The following LRRFIP2 variants were observed in gnomAD, a reference collection of about 807,000 sequenced individuals.
LRRFIP2 encodes the protein LRR binding FLII interacting protein 2.
A neutral mutation model predicts 125.9 loss-of-function variants in LRRFIP2; 109 were observed. The observed-to-expected ratio is 0.87, with a 90% confidence interval of 0.74 to 1.01. The LOEUF (loss-of-function observed/expected upper bound fraction) is 1.01. Among genes scored for constraint, LRRFIP2 ranks in the 50% least tolerant of loss-of-function variants. The probability of loss-of-function intolerance (pLI) is 0.00; values close to 1 mark genes in which losing one functional copy is unlikely to be tolerated. For missense variants in LRRFIP2, 850 were observed against 862.3 expected, an observed-to-expected ratio of 0.99 and a Z score of 0.18; for synonymous variants, 291 against 293.1, an observed-to-expected ratio of 0.99 and a Z score of 0.07.
chr3:37,161,157 A>C (rs530223224), intron 1 of LRRFIP2, among the ~76,000 whole-genome samples: 144 of 143,042 alleles, frequency 1.0e-3, no homozygotes, highest in African/African-American at 3.4e-3. Flanking sequence ...CAGCCTGGTC[A>C]ACATGGTGAA....
intron 2 of LRRFIP2, among the ~76,000 whole-genome samples, chr3:37,145,166 G>A (rs1225758558): frequency 6.6e-6 from 1 of 152,086 alleles, no homozygotes; most frequent in Non-Finnish European, 1.5e-5. Flanking sequence ...GGTAGTTGAG[G>A]ACAAATATTT....
At chr3:37,132,163 C>A (rs2095443900) in intron 2 of LRRFIP2, among the ~76,000 whole-genome samples, 1 of 151,792 alleles carries the variant, frequency 6.6e-6, no homozygotes, top group Non-Finnish European at 1.5e-5. Context: ...GGAAACACTT[C>A]AAGGCTTTTA....
At chr3:37,106,721 C>T (rs1293920101) in intron 13 of LRRFIP2, among the ~76,000 whole-genome samples, 3 of 151,860 alleles carry the variant, frequency 2.0e-5, no homozygotes, top group Non-Finnish European at 4.4e-5. Context: ...GGTGGGTGGA[C>T]CACCTGAGGT....
intron 2 of LRRFIP2, among the ~76,000 whole-genome samples, chr3:37,131,357 T>A (rs938090745): frequency 6.6e-6 from 1 of 152,152 alleles, no homozygotes; most frequent in Non-Finnish European, 1.5e-5. Context: ...TATACCCATG[T>A]CTCTATTGCG....
intron 21 of LRRFIP2, chr3:37,068,356 G>C (rs924248140): frequency 2.0e-5 from 3 of 152,168 alleles, no homozygotes; most frequent in African/African-American, 7.2e-5. Flanking sequence ...TTTGAAACTA[G>C]GAATTCTAGC....
intron 2 of LRRFIP2, among the ~76,000 whole-genome samples, chr3:37,145,326 T>C (rs2095829623): frequency 6.6e-6 from 1 of 152,214 alleles, no homozygotes; most frequent in Non-Finnish European, 1.5e-5. Context: ...GAGGACTTTA[T>C]ACAACCCAAT....
chr3:37,111,597 T>C (rs1014347080), intron 8 of LRRFIP2, among the ~76,000 whole-genome samples: 2 of 152,204 alleles, frequency 1.3e-5, no homozygotes, highest in African/African-American at 4.8e-5. Context: ...TTATAGCTAA[T>C]TGAGGGAGAG....
At chr3:37,056,125 A>C (rs1243840134) in intron 25 of LRRFIP2, among the ~76,000 whole-genome samples, 1 of 152,224 alleles carries the variant, frequency 6.6e-6, no homozygotes, top group Non-Finnish European at 1.5e-5. Flanking sequence ...TGTATGCCTA[A>C]ATAAATATAT....
intron 6 of LRRFIP2, 112 bp downstream of exon 6, chr3:37,121,380 T>A: frequency 1.0e-6 from 1 of 990,292 alleles, no homozygotes; most frequent in African/African-American, 1.7e-5. Context: ...TATTTTATAC[T>A]TCTTTTAAAA....
At chr3:37,127,070 T>A (rs1265625399) in intron 4 of LRRFIP2, among the ~76,000 whole-genome samples, 1 of 152,114 alleles carries the variant, frequency 6.6e-6, no homozygotes, top group African/African-American at 2.4e-5. Context: ...ATATACCAAG[T>A]TAAGAAGCCC....
intron 4 of LRRFIP2, among the ~76,000 whole-genome samples, chr3:37,122,669 T>C (rs2095104640): frequency 6.6e-6 from 1 of 152,168 alleles, no homozygotes; most frequent in Non-Finnish European, 1.5e-5. Flanking sequence ...GTTGTTAATA[T>C]GAAAAACTAC....
intron 12 of LRRFIP2, 83 bp downstream of exon 12, chr3:37,108,554 T>C: frequency 8.8e-7 from 1 of 1,141,880 alleles, no homozygotes; most frequent in Non-Finnish European, 1.3e-6. Flanking sequence ...TCTTTTTTAT[T>C]AATTTTTGAC....
Position 37,053,706 on chromosome 3 carries a change from T to C in LRRFIP2, c.*145A>G. The C allele has an allele frequency of 3.3e-6, 2 of 609,062 alleles. No homozygotes were observed. The highest frequency in any genetic ancestry group is 2.1e-5 in the South Asian group (1 of 48,666). 37.7% of individuals were successfully genotyped at this position (609,062 alleles called of 1,614,324 possible). On this transcript the variant is annotated 3_prime_UTR_variant, in exon 28 of 28. Coordinates refer to ENST00000336686, the MANE Select transcript of LRRFIP2 (RefSeq NM_006309.4). The stretch of plus-strand genomic sequence containing the variant: ...TCATGTAGATTCAAAATGACTTCAT[T>C]CTGTCATAAATTATAAAATACAAAG...
chr3:37,115,243 A>T (rs2094725703), intron 6 of LRRFIP2, 148 bp from the exon 7 acceptor site: 2 of 573,516 alleles, frequency 3.5e-6, no homozygotes, highest in Admixed American at 5.9e-5. Context: ...CAGTTGAATT[A>T]AAAAATATTC....
chr3:37,071,331 C>A (rs2091148544), intron 21 of LRRFIP2, among the ~76,000 whole-genome samples: 1 of 152,224 alleles, frequency 6.6e-6, no homozygotes, highest in African/African-American at 2.4e-5. Flanking sequence ...GATCCTCCCA[C>A]CTCAGCCTCC....
At chr3:37,123,200 GTTT>G (rs891531267) in intron 4 of LRRFIP2, among the ~76,000 whole-genome samples, 5 of 151,800 alleles carry the variant, frequency 3.3e-5, no homozygotes, top group Non-Finnish European at 4.4e-5. Context: ...TGTTGTTGTT[GTTT>G]TTTGAGACGG....
rs1042594616 is a variant in LRRFIP2 at position 37,058,979 on chromosome 3, T to C, written c.1750-69A>G. On this transcript the variant is annotated intron_variant, in intron 24 of 27. Transcript: ENST00000336686. ...AATGAAGCCGATGCTTATTCTATGG[T>C]CACATCATAGAACAAAGCAGACCCT... 8.8e-6 allele frequency: 14 copies of C among 1,593,552 alleles called. No individual in the cohort carries two copies. The African/African-American group carries it at 1.5e-4, about 17-fold the overall frequency.
intron 11 of LRRFIP2, 111 bp downstream of exon 11, chr3:37,109,416 C>G (rs1266023522): frequency 8.3e-7 from 1 of 1,206,304 alleles, no homozygotes. Flanking sequence ...ATACATGACA[C>G]TAAAATCATG....
chr3:37,175,663 C>T (rs2096650059), upstream of LRRFIP2, among the ~76,000 whole-genome samples: 1 of 152,198 alleles, frequency 6.6e-6, no homozygotes. Context: ...AAAAATGCTA[C>T]GCCCTACACC....
Sources: gnomAD v4.1 joint callset for allele counts (sites outside exome capture counted in the v4.1 genomes callset) on GRCh38, gnomAD v4.1.1 for gene constraint, MANE v1.5 for transcripts, NCBI Gene and HGNC (gene_info 2026-07-23, HGNC 2026-07-21) for gene names.